Variants in SAP30BP observed in about 807,000 individuals in gnomAD.
The protein encoded by SAP30BP is SAP30 binding protein, also known as SAP30-binding protein.
Under a neutral mutation model 46.3 loss-of-function variants are expected in SAP30BP, and 31 were observed. The ratio of observed to expected loss-of-function variants is 0.67; its 90% CI spans 0.50 to 0.90. The LOEUF is 0.90. Ranked by LOEUF, SAP30BP falls within the 40% of genes least tolerant of loss-of-function variation. SAP30BP has a pLI of 0.00. For missense variants in SAP30BP, 312 were observed against 391.0 expected (o/e 0.80, Z 1.70); for synonymous variants, 169 against 144.2 (o/e 1.17, Z -1.23).
chr17:75,705,660 C>T, intron 9 of SAP30BP: 1 of 1,117,634 alleles, frequency 8.9e-7, no homozygotes. Flanking sequence ...AGCTGTCCTT[C>T]CCCTGTGCGG....
rs777904408 is a variant in SAP30BP, at chr17:75,699,097, C to G, written c.308-686C>G. 3.5e-4 allele frequency among the ~76,000 whole-genome samples: 53 copies of G among 152,212 alleles called. 1 individual carries two copies. The highest frequency in any genetic ancestry group is 1.2e-3 in the South Asian group (6 of 4,834). Reference sequence around the variant, plus strand: ...GTCCTAGCTACTCAGGAGGCTGAGACAGGAGTTCGAGGTTGCAGTGAGATA... The same window carrying G: ...GTCCTAGCTACTCAGGAGGCTGAGAGAGGAGTTCGAGGTTGCAGTGAGATA... On this transcript the variant is annotated intron_variant, in intron 4 of 10. Coordinates refer to ENST00000584667, the MANE Select transcript of SAP30BP (RefSeq NM_013260.8).
intron 4 of SAP30BP, among the ~76,000 whole-genome samples, chr17:75,697,679 A>G (rs574457797): frequency 2.6e-4 from 39 of 152,328 alleles, no homozygotes; most frequent in African/African-American, 8.7e-4. Flanking sequence ...ACATGAAGTC[A>G]TGTTTTTAGG....
intron 3 of SAP30BP, among the ~76,000 whole-genome samples, chr17:75,688,805 G>A (rs2060199791): frequency 1.3e-5 from 2 of 152,272 alleles, no homozygotes; most frequent in Admixed American, 6.5e-5. Context: ...TTCTCTGCAG[G>A]AGGAACCATA....
rs1345658957 is a variant in SAP30BP at position 75,701,668 on chromosome 17, CA to C, written c.397-806del. Among the ~76,000 whole-genome samples, 9 of 152,286 alleles carry C rather than the reference CA, an allele frequency of 5.9e-5. No individual in the cohort carries two copies. In the East Asian group the frequency reaches 1.7e-3, roughly 29 times the overall value. On this transcript the variant is annotated intron_variant, in intron 5 of 10. Coordinates refer to ENST00000584667, the MANE Select transcript of SAP30BP (RefSeq NM_013260.8). ...TCTAAAAAGTTTGCAAGACCGAATC[CA>C]AAAAACTCTATTCCCGCCTCCCGTT...
intron 3 of SAP30BP, among the ~76,000 whole-genome samples, chr17:75,684,193 T>G (rs2060124715): frequency 6.6e-6 from 1 of 152,208 alleles, no homozygotes; most frequent in African/African-American, 2.4e-5. Flanking sequence ...TTGGGTGAGC[T>G]GCTTCATTGT....
rs2060524352 is a variant in SAP30BP at position 75,708,045 on chromosome 17, G to A, written c.*1524G>A. 6.6e-6 allele frequency: 1 copy of A among 151,786 alleles called. No homozygotes were observed. The highest frequency in any genetic ancestry group is 6.6e-5 in the Admixed American group (1 of 15,152). The allele number at this position is 151,786 out of a possible 1,614,324, so 9.4% of individuals were successfully genotyped here. On this transcript the variant is annotated 3_prime_UTR_variant, in exon 11 of 11. Coordinates refer to ENST00000584667, the MANE Select transcript of SAP30BP (RefSeq NM_013260.8). ...GACTTATGCAAAAGCTTTATAAACT[G>A]TAAAGTTCCTGCCAGTGTTTTTTGT...
At position 75,688,269 on chromosome 17, in the gene SAP30BP, G is replaced by C. The variant is rs73368035; in HGVS notation, c.265-5171G>C. Among the ~76,000 whole-genome samples the C allele has an allele frequency of 4.1e-3, 619 of 152,302 alleles. 2 individuals carry two copies. The highest frequency in any genetic ancestry group is 0.014 in the African/African-American group (570 of 41,552). ...CACAGTGAGGATCTGTTTTTAAGGA[G>C]CTATTGTGCTCGTGAAGTGAGATCT... On this transcript the variant is annotated intron_variant, in intron 3 of 10. Coordinates refer to ENST00000584667, the MANE Select transcript of SAP30BP (RefSeq NM_013260.8).
intron 3 of SAP30BP, among the ~76,000 whole-genome samples, chr17:75,687,571 G>A (rs1460678051): frequency 1.3e-5 from 2 of 151,430 alleles, no homozygotes; most frequent in African/African-American, 4.9e-5. Flanking sequence ...AGCTATGATT[G>A]CGCCAGTGTA....
In SAP30BP at chr17:75,707,815, C is replaced by G. The variant is rs965301465; in HGVS notation, c.*1294C>G. ...CTTCCTGTGACCTCCGATGGCGGCCCCTCATTGGCCAAGGGCACTGTGGAT... is the reference window on the plus strand; with the variant it reads ...CTTCCTGTGACCTCCGATGGCGGCCGCTCATTGGCCAAGGGCACTGTGGAT... On this transcript the variant is annotated 3_prime_UTR_variant, in exon 11 of 11. Transcript: ENST00000584667. 6.6e-6 allele frequency: 1 copy of G among 152,220 alleles called. No homozygotes were observed. Among genetic ancestry groups the G allele is most frequent in the African/African-American group, 2.4e-5 (1 of 41,434 alleles). 9.4% of individuals were successfully genotyped at this position (152,220 alleles called of 1,614,324 possible).
chr17:75,687,964 C>CTGTG (rs2060186573), intron 3 of SAP30BP, among the ~76,000 whole-genome samples: 1 of 72,304 alleles, frequency 1.4e-5, no homozygotes, highest in African/African-American at 5.5e-5. Flanking sequence ...GTGAGAGAGA[C>CTGTG]AGAGAGAGGT....
chr17:75,690,722 C>G (rs181122500), intron 3 of SAP30BP: 1 of 456,664 alleles, frequency 2.2e-6, no homozygotes, highest in East Asian at 6.9e-5. Context: ...AGCTCATGGC[C>G]CAGCTTGTTG....
chr17:75,703,111 T>C (rs548837357), intron 6 of SAP30BP, 200 bp from the exon 7 acceptor site: 4 of 587,130 alleles, frequency 6.8e-6, no homozygotes, highest in African/African-American at 5.6e-5. Flanking sequence ...GCCGTCACCT[T>C]GACCCTGTGC....
intron 3 of SAP30BP, among the ~76,000 whole-genome samples, chr17:75,680,937 G>A (rs943306412): frequency 3.3e-5 from 5 of 152,160 alleles, no homozygotes; most frequent in African/African-American, 1.2e-4. Flanking sequence ...GGGAGGCTGA[G>A]ATGGGAGGAT....
intron 9 of SAP30BP, 33 bp downstream of exon 9, chr17:75,704,847 G>A (rs763295880): frequency 8.9e-6 from 14 of 1,574,346 alleles, no homozygotes; most frequent in African/African-American, 1.3e-5. Context: ...GATGAAAAAG[G>A]CACATGTGGA....
intron 2 of SAP30BP, 110 bp downstream of exon 2, chr17:75,668,735 C>G: frequency 2.9e-6 from 2 of 690,408 alleles, no homozygotes; most frequent in Non-Finnish European, 4.9e-6. Context: ...CCCTTGCTCT[C>G]CCGTTTTGTT....
chr17:75,696,532 A>G (rs1599155017), intron 4 of SAP30BP, among the ~76,000 whole-genome samples: 1 of 150,908 alleles, frequency 6.6e-6, no homozygotes, highest in Non-Finnish European at 1.5e-5. Context: ...CGACATAGCG[A>G]GACTCCATCT....
At chr17:75,691,717 C>T (rs2060245735) in intron 3 of SAP30BP, 3 of 339,060 alleles carry the variant, frequency 8.8e-6, no homozygotes, top group South Asian at 4.5e-5. Flanking sequence ...GGAGAGTTAA[C>T]GAATGGTCAG....
Position 75,667,721 on chromosome 17 carries a change from A to G in SAP30BP, c.106+243A>G, listed in dbSNP as rs557682252. On this transcript the variant is annotated intron_variant, in intron 1 of 10. Coordinates refer to ENST00000584667, the MANE Select transcript of SAP30BP (RefSeq NM_013260.8). ...AAGACTCCGTGCCGGCTATAGTGAT[A>G]GACAGAGGGATGGACGAAGAGGGAG... 4.6e-5 allele frequency among the ~76,000 whole-genome samples: 7 copies of G among 152,362 alleles called. No individual in the cohort carries two copies. The South Asian group carries it at 1.2e-3, about 27-fold the overall frequency.
At chr17:75,682,929 C>G (rs1233669235) in intron 3 of SAP30BP, among the ~76,000 whole-genome samples, 1 of 140,358 alleles carries the variant, frequency 7.1e-6, no homozygotes, top group Admixed American at 7.3e-5. Context: ...CGCCACTGCA[C>G]TCTAGCCTGG....
Sources: gnomAD v4.1 joint callset for allele counts (sites outside exome capture counted in the v4.1 genomes callset) on GRCh38, gnomAD v4.1.1 for gene constraint, MANE v1.5 for transcripts, NCBI Gene and HGNC (gene_info 2026-07-23, HGNC 2026-07-21) for gene names.